Variants in RAPGEF5 observed in about 807,000 individuals in gnomAD.
RAPGEF5 encodes the protein Rap guanine nucleotide exchange factor 5.
Under a neutral mutation model 125.2 loss-of-function variants are expected in RAPGEF5, and 65 were observed. That is an observed-to-expected ratio of 0.52 (90% CI 0.43 to 0.64). The LOEUF is 0.64. Ranked by LOEUF, RAPGEF5 falls within the 30% of genes least tolerant of loss-of-function variation. RAPGEF5 has a pLI of 0.00. For missense variants in RAPGEF5, 958 were observed against 1,048.1 expected (o/e 0.91, Z 1.19); for synonymous variants, 391 against 385.9 (o/e 1.01, Z -0.16).
chr7:22,267,600 A>G (rs1291343510), intron 6 of RAPGEF5, among the ~76,000 whole-genome samples: 1 of 152,168 alleles, frequency 6.6e-6, no homozygotes, highest in Non-Finnish European at 1.5e-5. Context: ...TTAAAATCCT[A>G]AATGTCTTTA....
intron 7 of RAPGEF5, among the ~76,000 whole-genome samples, chr7:22,261,376 C>T (rs550550510): frequency 3.9e-5 from 6 of 152,110 alleles, no homozygotes; most frequent in East Asian, 1.9e-4. Context: ...AGGATCACCA[C>T]GTACCTTGAG....
intron 6 of RAPGEF5, among the ~76,000 whole-genome samples, chr7:22,284,455 T>A (rs573942882): frequency 6.6e-6 from 1 of 152,274 alleles, no homozygotes; most frequent in Non-Finnish European, 1.5e-5. Context: ...CACTGGTGCT[T>A]CCTTAATGCC....
chr7:22,139,724 A>C, intron 21 of RAPGEF5: 1 of 245,402 alleles, frequency 4.1e-6, no homozygotes, highest in Non-Finnish European at 8.0e-6. Context: ...CATCACAGCA[A>C]ACGCACTTCT....
At chr7:22,267,433 A>G (rs933267602) in intron 6 of RAPGEF5, among the ~76,000 whole-genome samples, 8 of 152,232 alleles carry the variant, frequency 5.3e-5, no homozygotes, top group African/African-American at 1.9e-4. Flanking sequence ...TAAAGTTGAT[A>G]TAGGTAATCC....
intron 7 of RAPGEF5, among the ~76,000 whole-genome samples, chr7:22,240,714 T>C (rs1191119214): frequency 6.6e-6 from 1 of 152,086 alleles, no homozygotes; most frequent in African/African-American, 2.4e-5. Flanking sequence ...TGTGTTCTAG[T>C]GACAATACAG....
chr7:22,157,105 G>A (rs568177637), intron 15 of RAPGEF5, among the ~76,000 whole-genome samples: 14 of 152,324 alleles, frequency 9.2e-5, no homozygotes, highest in African/African-American at 3.4e-4. Context: ...AAGGCCAGCA[G>A]CAGGCCAAAA....
At chr7:22,221,210 GT>G (rs1785780111) in intron 8 of RAPGEF5, among the ~76,000 whole-genome samples, 1 of 152,170 alleles carries the variant, frequency 6.6e-6, no homozygotes, top group African/African-American at 2.4e-5. Context: ...TGGCTTTTCA[GT>G]TCCTTTCTAA....
intron 8 of RAPGEF5, among the ~76,000 whole-genome samples, chr7:22,222,775 C>T (rs1387636417): frequency 1.3e-5 from 2 of 152,116 alleles, no homozygotes; most frequent in Non-Finnish European, 2.9e-5. Context: ...CTGGGTTGGA[C>T]TGGGGGAAGT....
intron 7 of RAPGEF5, among the ~76,000 whole-genome samples, chr7:22,232,464 C>T (rs1193071888): frequency 2.0e-5 from 3 of 151,878 alleles, no homozygotes; most frequent in Admixed American, 6.6e-5. Context: ...GGATTACAGG[C>T]GTGCACTACC....
chr7:22,169,417 G>A (rs1201289076), intron 11 of RAPGEF5, among the ~76,000 whole-genome samples: 1 of 152,118 alleles, frequency 6.6e-6, no homozygotes, highest in African/African-American at 2.4e-5. Context: ...TTGCATATTA[G>A]CTGGAAACCA....
chr7:22,119,028 A>T lies in RAPGEF5; in HGVS notation c.*3378T>A, dbSNP rs375264453. 1 of 152,000 alleles carries T rather than the reference A, an allele frequency of 6.6e-6. No homozygotes were observed. Among genetic ancestry groups the T allele is most frequent in the African/African-American group, 2.4e-5 (1 of 41,464 alleles). 9.4% of individuals were successfully genotyped at this position (152,000 alleles called of 1,614,324 possible). On this transcript the variant is annotated 3_prime_UTR_variant, in exon 26 of 26. Transcript: ENST00000665637. The surrounding 1 kb of genome is among the most constrained non-coding windows in gnomAD (Gnocchi z 4.1). ...CACTGCGGAAGACCCGATCGTCCCC[A>T]TTTTAATGTTTTTGCCCAGTTTCTG...
At position 22,224,513 on chromosome 7, in the gene RAPGEF5, A is replaced by G. The variant is rs1583495461; in HGVS notation, c.871-4522T>C. Among the ~76,000 whole-genome samples the G allele has an allele frequency of 2.6e-5, 4 of 152,020 alleles. 1 individual carries two copies. In the South Asian group the frequency reaches 8.3e-4, roughly 32 times the overall value. The stretch of plus-strand genomic sequence containing the variant: ...ACACTGTCCTGGCGGTGGAGGGAGG[A>G]TGCTAATGACCCTCCAAAATGCCAA... On this transcript the variant is annotated intron_variant, in intron 8 of 25. Transcript: ENST00000665637.
At chr7:22,201,764 T>C (rs1785283216) in intron 9 of RAPGEF5, among the ~76,000 whole-genome samples, 1 of 152,242 alleles carries the variant, frequency 6.6e-6, no homozygotes, top group Admixed American at 6.5e-5. Context: ...TCATAAAAGC[T>C]TAAATTTTAT....
chr7:22,161,688 A>T (rs927583332), intron 13 of RAPGEF5, among the ~76,000 whole-genome samples: 1 of 152,206 alleles, frequency 6.6e-6, no homozygotes, highest in Non-Finnish European at 1.5e-5. Flanking sequence ...TTTTAACTGG[A>T]TGCCTAAATG....
chr7:22,354,010 T>C (rs1185340113), intron 1 of RAPGEF5, among the ~76,000 whole-genome samples: 1 of 152,000 alleles, frequency 6.6e-6, no homozygotes, highest in Non-Finnish European at 1.5e-5. Context: ...GTCGAGGCTA[T>C]AGTGAGCTAT....
At chr7:22,286,353 C>T (rs1782796423) in intron 6 of RAPGEF5, among the ~76,000 whole-genome samples, 1 of 152,180 alleles carries the variant, frequency 6.6e-6, no homozygotes, top group African/African-American at 2.4e-5. Context: ...AAATAATGCA[C>T]AACTTAGCCT....
intron 18 of RAPGEF5, among the ~76,000 whole-genome samples, chr7:22,147,993 A>G (rs1783498773): frequency 6.6e-6 from 1 of 152,202 alleles, no homozygotes; most frequent in African/African-American, 2.4e-5. Flanking sequence ...TAATGACTGA[A>G]GATCTTCACA....
At chr7:22,298,953 T>C (rs1783131409) in intron 5 of RAPGEF5, among the ~76,000 whole-genome samples, 1 of 152,188 alleles carries the variant, frequency 6.6e-6, no homozygotes, top group African/African-American at 2.4e-5. Flanking sequence ...ATATTCCTTC[T>C]TTTATTCCTG....
At chr7:22,273,084 T>C (rs1013653164) in intron 6 of RAPGEF5, among the ~76,000 whole-genome samples, 4 of 151,966 alleles carry the variant, frequency 2.6e-5, no homozygotes, top group Non-Finnish European at 5.9e-5. Context: ...CTCCACCAAA[T>C]AGTTTATTTA....
Sources: allele counts gnomAD v4.1 joint callset (sites outside exome capture counted in the v4.1 genomes callset), GRCh38; gene constraint gnomAD v4.1.1; non-coding constraint Gnocchi (gnomAD v3.1); transcripts MANE v1.5; gene names NCBI Gene and HGNC (gene_info 2026-07-23, HGNC 2026-07-21).